The following GDAP1L1 variants were observed in gnomAD, a reference collection of about 807,000 sequenced individuals.
GDAP1L1 encodes ganglioside induced differentiation associated protein 1 like 1, also known as ganglioside-induced differentiation-associated protein 1-like 1.
GDAP1L1 carries 21 observed loss-of-function variants against 37.1 expected under a neutral mutation model. The observed-to-expected ratio is 0.57, with a 90% CI of 0.40 to 0.81. GDAP1L1 has a LOEUF of 0.81. Ranked by LOEUF, GDAP1L1 falls within the 40% of genes least tolerant of loss-of-function variation. The pLI, the probability that GDAP1L1 is intolerant of heterozygous loss-of-function variation, is 0.00. For synonymous variants in GDAP1L1, 193 were observed against 209.1 expected (o/e 0.92, Z 0.67); for missense variants, 362 against 491.6 (o/e 0.74, Z 2.49).
At position 44,280,174 on chromosome 20, in the gene GDAP1L1, C is replaced by A. The variant is rs1029160701; in HGVS notation, c.*874C>A. On this transcript the variant is annotated 3_prime_UTR_variant, in exon 6 of 6. Coordinates refer to ENST00000342560, the MANE Select transcript of GDAP1L1 (RefSeq NM_024034.6). ...AAGCCATCTCCTTCAATATCCCCCCCTTCCTGTCACTCCCGGGGCTGTCCC... is the reference window on the plus strand; with the variant it reads ...AAGCCATCTCCTTCAATATCCCCCCATTCCTGTCACTCCCGGGGCTGTCCC... The A allele has an allele frequency of 1.5e-4, 35 of 238,602 alleles. No homozygotes were observed. Among genetic ancestry groups the A allele is most frequent in the African/African-American group, 6.8e-4 (30 of 44,252 alleles). 14.8% of individuals were successfully genotyped at this position (238,602 alleles called of 1,614,324 possible).
At chr20:44,274,096 G>C (rs1297719347) in intron 5 of GDAP1L1, among the ~76,000 whole-genome samples, 3 of 152,156 alleles carry the variant, frequency 2.0e-5, no homozygotes, top group African/African-American at 7.2e-5. Context: ...ATGAAATACG[G>C]TAGTATATAT....
At position 44,279,371 on chromosome 20, in the gene GDAP1L1, AACTC is replaced by A. The variant is rs1451446631; in HGVS notation, c.*75_*78del. 1 of 983,308 alleles carries A rather than the reference AACTC, an allele frequency of 1.0e-6. No homozygotes were observed. Among genetic ancestry groups the A allele is most frequent in the Non-Finnish European group, 1.6e-6 (1 of 624,294 alleles). The allele number at this position is 983,308 out of a possible 1,614,324, so 60.9% of individuals were successfully genotyped here. A position where few individuals can be genotyped will look rare whatever the true frequency, so the allele number is the denominator to read the frequency against. On this transcript the variant is annotated 3_prime_UTR_variant, in exon 6 of 6. Coordinates refer to ENST00000342560, the MANE Select transcript of GDAP1L1 (RefSeq NM_024034.6). The stretch of plus-strand genomic sequence containing the variant: ...GTGTGATTCCCCGTGAGCTCTCAGT[AACTC>A]ACTGTCTCATGAACACTTGGACAGC...
intron 5 of GDAP1L1, among the ~76,000 whole-genome samples, chr20:44,273,983 A>G (rs559721237): frequency 9.9e-5 from 15 of 152,230 alleles, no homozygotes; most frequent in African/African-American, 2.4e-4. Context: ...GTTAGACCAC[A>G]TCTTAGCATC....
intron 5 of GDAP1L1, among the ~76,000 whole-genome samples, chr20:44,278,421 C>G (rs1280494268): frequency 6.6e-6 from 1 of 152,134 alleles, no homozygotes; most frequent in Non-Finnish European, 1.5e-5. Flanking sequence ...CACTCTGTCA[C>G]CTAGGCTAGA....
chr20:44,248,850 C>T (rs1306261598), intron 1 of GDAP1L1, among the ~76,000 whole-genome samples: 1 of 152,174 alleles, frequency 6.6e-6, no homozygotes, highest in Non-Finnish European at 1.5e-5. Flanking sequence ...CCCACTGACT[C>T]ACTGTGGAGC....
At chr20:44,250,829 CA>C (rs1038324493) in intron 1 of GDAP1L1, among the ~76,000 whole-genome samples, 1 of 151,930 alleles carries the variant, frequency 6.6e-6, no homozygotes, top group Non-Finnish European at 1.5e-5. Flanking sequence ...CCAGGAGGGG[CA>C]AAAAAGCATA....
chr20:44,264,643 C>T, intron 5 of GDAP1L1, 84 bp downstream of exon 5: 1 of 1,532,884 alleles, frequency 6.5e-7, no homozygotes, highest in Non-Finnish European at 8.8e-7. Context: ...CTTTTTTCCG[C>T]AAAAGTCTCA....
rs1341029850 is a variant in GDAP1L1, at chr20:44,273,291, C to T, written c.761-5666C>T. ...TATACCACACTGTCCTGGTTCGCCT[C>T]CTATCTCTTGGGCTGCTTCTTCTCA... is the stretch of plus-strand genomic sequence containing the variant. On this transcript the variant is annotated intron_variant, in intron 5 of 5. Coordinates refer to ENST00000342560, the MANE Select transcript of GDAP1L1 (RefSeq NM_024034.6). 1.3e-5 allele frequency among the ~76,000 whole-genome samples: 2 copies of T among 152,190 alleles called. 1 individual carries two copies. Among genetic ancestry groups the T allele is most frequent in the Non-Finnish European group, 2.9e-5 (2 of 68,024 alleles).
At chr20:44,255,730 G>A (rs2073528108) in intron 1 of GDAP1L1, among the ~76,000 whole-genome samples, 1 of 152,108 alleles carries the variant, frequency 6.6e-6, no homozygotes, top group Non-Finnish European at 1.5e-5. Flanking sequence ...AGACATTGAT[G>A]CTCAAGGGGA....
chr20:44,260,909 C>T (rs1406153137), intron 3 of GDAP1L1, among the ~76,000 whole-genome samples: 1 of 152,208 alleles, frequency 6.6e-6, no homozygotes, highest in South Asian at 2.1e-4. Flanking sequence ...ACGAAGATCT[C>T]TCCTCTGAGG....
chr20:44,261,747 G>A (rs1025861540), intron 3 of GDAP1L1, among the ~76,000 whole-genome samples: 6 of 152,212 alleles, frequency 3.9e-5, no homozygotes, highest in African/African-American at 1.4e-4. Context: ...GCGTGTTTGC[G>A]TTCCCTGGCA....
intron 1 of GDAP1L1, among the ~76,000 whole-genome samples, chr20:44,256,641 T>C (rs1477364967): frequency 6.6e-6 from 1 of 151,302 alleles, no homozygotes; most frequent in Non-Finnish European, 1.5e-5. Context: ...GCCTGGGCAA[T>C]AGAGCAAGAC....
rs149151812 is a variant in GDAP1L1 at position 44,257,285 on chromosome 20, G to A, written c.313G>A (p.Asp105Asn). 3.4e-4 allele frequency: 553 copies of A among 1,613,986 alleles called. 2 individuals are homozygous for A. The highest frequency in any genetic ancestry group is 1.8e-3 in the South Asian group (166 of 91,060). Residue 105 changes from aspartate to asparagine, a missense_variant, in exon 2 of 6, where the codon GAC (aspartate) becomes AAC (asparagine). Asp to Asn is a conservative substitution (Grantham distance 23). Coordinates refer to ENST00000342560, the MANE Select transcript of GDAP1L1 (RefSeq NM_024034.6). ...GGAGGTGCCCGTCATCATCCACCGC[G>A]ACAACATCATCAGTGACTATGACCA... is the stretch of plus-strand genomic sequence containing the variant. ...GEEVPVIIHR[D>N]NIISDYDQII...
intron 3 of GDAP1L1, among the ~76,000 whole-genome samples, chr20:44,262,614 T>C (rs1180703607): frequency 6.6e-6 from 1 of 152,068 alleles, no homozygotes; most frequent in Non-Finnish European, 1.5e-5. Flanking sequence ...CCCTATGCCT[T>C]GTGTTCACTC....
chr20:44,277,134 C>T (rs915768686), intron 5 of GDAP1L1, among the ~76,000 whole-genome samples: 4 of 152,172 alleles, frequency 2.6e-5, no homozygotes, highest in Non-Finnish European at 5.9e-5. Context: ...AAGCAATTCT[C>T]GTGCCTCAGC....
intron 1 of GDAP1L1, among the ~76,000 whole-genome samples, chr20:44,249,568 G>A (rs2073400239): frequency 6.6e-6 from 1 of 152,244 alleles, no homozygotes. Context: ...GGGGCAGGGA[G>A]GTGGCATCTC....
intron 5 of GDAP1L1, among the ~76,000 whole-genome samples, chr20:44,266,633 T>C: frequency 6.6e-6 from 1 of 152,050 alleles, no homozygotes; most frequent in East Asian, 1.9e-4. Flanking sequence ...GGTGAGTTTC[T>C]CTCGAGGCCT....
intron 5 of GDAP1L1, chr20:44,265,550 C>G (rs893872969): frequency 1.7e-4 from 156 of 908,022 alleles, no homozygotes; most frequent in Non-Finnish European, 2.0e-4. Flanking sequence ...AAATAGAGTT[C>G]CAGCTTTGCT....
At chr20:44,255,891 G>C (rs2073531986) in intron 1 of GDAP1L1, among the ~76,000 whole-genome samples, 1 of 152,184 alleles carries the variant, frequency 6.6e-6, no homozygotes, top group Admixed American at 6.5e-5. Context: ...CCACAGGCAG[G>C]GGGCAATAGG....
Sources: allele counts gnomAD v4.1 joint callset (sites outside exome capture counted in the v4.1 genomes callset), GRCh38; gene constraint gnomAD v4.1.1; transcripts MANE v1.5; gene names NCBI Gene and HGNC (gene_info 2026-07-23, HGNC 2026-07-21).